The following STIM2 variants were observed in gnomAD, a reference collection of about 807,000 sequenced individuals.
STIM2 encodes the protein stromal interaction molecule 2.
A neutral mutation model predicts 85.8 loss-of-function variants in STIM2; 31 were observed. That is an observed-to-expected ratio of 0.36 (90% CI 0.27 to 0.49). The LOEUF (loss-of-function observed/expected upper bound fraction) is 0.49, where lower values mean the gene tolerates loss of function less well. Ranked by LOEUF, STIM2 falls within the 20% of genes least tolerant of loss-of-function variation. The pLI, the probability that STIM2 is intolerant of heterozygous loss-of-function variation, is 0.98. For missense variants in STIM2, 841 were observed against 927.6 expected (o/e 0.91, Z 1.21); for synonymous variants, 356 against 331.1 (o/e 1.08, Z -0.82).
chr4:26,872,813 G>C (rs1722672489), intron 1 of STIM2, among the ~76,000 whole-genome samples: 1 of 152,136 alleles, frequency 6.6e-6, no homozygotes, highest in South Asian at 2.1e-4. Context: ...ATAATGTGGG[G>C]TACTTTTTAA....
chr4:27,023,283 T>C lies in STIM2; in HGVS notation c.*287T>C. ...TATTTCTGCTTTGTTCTCAGTGATG[T>C]ATATGCAACATTTTGTTGAAAGCCA... On this transcript the variant is annotated 3_prime_UTR_variant, in exon 12 of 12. Transcript: ENST00000467087. 1 of 344,380 alleles carries C rather than the reference T, an allele frequency of 2.9e-6. No homozygotes were observed. The highest frequency in any genetic ancestry group is 5.4e-6 in the Non-Finnish European group (1 of 185,964). The allele number at this position is 344,380 out of a possible 1,614,324, so 21.3% of individuals were successfully genotyped here.
intron 3 of STIM2, among the ~76,000 whole-genome samples, chr4:26,963,261 A>T (rs942647942): frequency 4.6e-5 from 7 of 152,172 alleles, no homozygotes; most frequent in African/African-American, 1.7e-4. Context: ...TAAATATTTT[A>T]AAAATATCTA....
chr4:26,966,879 C>T (rs187838533), intron 3 of STIM2, among the ~76,000 whole-genome samples: 2 of 152,200 alleles, frequency 1.3e-5, no homozygotes, highest in African/African-American at 2.4e-5. Flanking sequence ...TTCTATCTTT[C>T]TCATCTCATC....
At chr4:26,954,336 G>GCTGAATGACCA in intron 2 of STIM2, among the ~76,000 whole-genome samples, 1 of 125,484 alleles carries the variant, frequency 8.0e-6, no homozygotes, top group Non-Finnish European at 1.7e-5. Flanking sequence ...TATTTGCTGA[G>GCTGAATGACCA]CACTCCCTTA....
At chr4:26,991,699 C>T (rs1727772537) in intron 3 of STIM2, among the ~76,000 whole-genome samples, 2 of 151,996 alleles carry the variant, frequency 1.3e-5, no homozygotes, top group African/African-American at 4.8e-5. Flanking sequence ...ATATGTATAA[C>T]ATCAATTTAA....
chr4:27,001,063 C>G (rs1728133089), intron 5 of STIM2, among the ~76,000 whole-genome samples: 1 of 152,200 alleles, frequency 6.6e-6, no homozygotes, highest in South Asian at 2.1e-4. Flanking sequence ...CTGAGAGTCT[C>G]TGACATAGAG....
chr4:26,984,860 C>A (rs757422862), intron 3 of STIM2, among the ~76,000 whole-genome samples: 10 of 152,156 alleles, frequency 6.6e-5, no homozygotes, highest in Non-Finnish European at 1.2e-4. Flanking sequence ...TCTGAATGTT[C>A]AAACATTTGC....
chr4:26,891,350 T>C (rs71612813), intron 1 of STIM2, among the ~76,000 whole-genome samples: 13,250 of 152,122 alleles, frequency 0.087, 711 homozygotes, highest in East Asian at 0.19. Flanking sequence ...ACCTAGACAT[T>C]TTGCTTGAGT....
At chr4:27,009,713 C>T (rs1728496566) in intron 10 of STIM2, among the ~76,000 whole-genome samples, 1 of 152,214 alleles carries the variant, frequency 6.6e-6, no homozygotes, top group Non-Finnish European at 1.5e-5. Context: ...ATTTCACTTG[C>T]TCCACACTGC....
rs897874846 is a variant in STIM2 at position 26,890,716 on chromosome 4, T to C, written c.152-28788T>C. ...GCGGGCGCCTGTAGTCCCAGCTACT[T>C]GGGAGGCTGAGGCAGGAGAATGGCG... On this transcript the variant is annotated intron_variant, in intron 1 of 11. Coordinates refer to ENST00000467087, the MANE Select transcript of STIM2 (RefSeq NM_020860.4). Among the ~76,000 whole-genome samples, 3 of 147,666 alleles carry C rather than the reference T, an allele frequency of 2.0e-5. No homozygotes were observed. In the South Asian group the frequency reaches 6.4e-4, roughly 31 times the overall value.
chr4:26,885,857 A>ATATATATATGTG (rs1723214780), intron 1 of STIM2, among the ~76,000 whole-genome samples: 1 of 67,816 alleles, frequency 1.5e-5, no homozygotes, highest in Admixed American at 1.6e-4. Context: ...ATATATATAT[A>ATATATATATGTG]TATATATATA....
chr4:26,896,191 C>T lies in STIM2; in HGVS notation c.152-23313C>T, dbSNP rs564547991. ...CATGACTCCACAACATGGTAGTTTG[C>T]GCCTTCCAGGCCAGCAGGTGAATCT... is the stretch of plus-strand genomic sequence containing the variant. On this transcript the variant is annotated intron_variant, in intron 1 of 11. Transcript: ENST00000467087. 2.0e-4 allele frequency among the ~76,000 whole-genome samples: 30 copies of T among 152,332 alleles called. No individual in the cohort carries two copies. In the South Asian group the frequency reaches 4.1e-3, roughly 21 times the overall value.
rs1212548587 is a variant in STIM2 at position 27,024,246 on chromosome 4, T to C, written c.*1250T>C. ...ATTAAATTGGTGGGTTGTATAAGGG[T>C]AGCTTTTGTTGTTAAAAAAACAGTA... On this transcript the variant is annotated 3_prime_UTR_variant, in exon 12 of 12. Transcript: ENST00000467087. The C allele has an allele frequency of 6.6e-6, 1 of 152,140 alleles. No individual in the cohort carries two copies. Among genetic ancestry groups the C allele is most frequent in the Admixed American group, 6.5e-5 (1 of 15,284 alleles). 9.4% of individuals were successfully genotyped at this position (152,140 alleles called of 1,614,324 possible). A position where few individuals can be genotyped will look rare whatever the true frequency, so the allele number is the denominator to read the frequency against.
At chr4:27,005,376 A>G (rs1728297725) in intron 7 of STIM2, among the ~76,000 whole-genome samples, 2 of 152,236 alleles carry the variant, frequency 1.3e-5, no homozygotes, top group East Asian at 1.9e-4. Flanking sequence ...ACGTGAGACA[A>G]TAAGCCTTAG....
At chr4:26,997,804 A>G (rs1046877600) in intron 4 of STIM2, among the ~76,000 whole-genome samples, 1 of 152,218 alleles carries the variant, frequency 6.6e-6, no homozygotes, top group Non-Finnish European at 1.5e-5. Flanking sequence ...GCATTATACG[A>G]AAGTACCTGT....
chr4:26,911,526 A>G (rs549296373), intron 1 of STIM2, among the ~76,000 whole-genome samples: 51 of 152,306 alleles, frequency 3.3e-4, no homozygotes, highest in Non-Finnish European at 6.3e-4. Context: ...ATTAGAGAAC[A>G]TCTGCAGTGG....
At chr4:26,916,127 G>A (rs2109062939) in intron 1 of STIM2, among the ~76,000 whole-genome samples, 1 of 152,292 alleles carries the variant, frequency 6.6e-6, no homozygotes, top group African/African-American at 2.4e-5. Flanking sequence ...GAGTTAAAAT[G>A]ATCACATGTG....
chr4:26,997,756 T>C (rs1664329801), intron 4 of STIM2, among the ~76,000 whole-genome samples: 1 of 152,248 alleles, frequency 6.6e-6, no homozygotes, highest in South Asian at 2.1e-4. Flanking sequence ...TTTGCCTTCA[T>C]GCAATTTGAT....
rs183998340 is a variant in STIM2, at chr4:27,024,015, T to C, written c.*1019T>C. The C allele has an allele frequency of 2.0e-5, 3 of 152,804 alleles. No homozygotes were observed. The East Asian group carries it at 5.8e-4, about 29-fold the overall frequency. 9.5% of individuals were successfully genotyped at this position (152,804 alleles called of 1,614,324 possible). ...ATAACACAAAAAACACTATGTTTTC[T>C]GGAGAGCTGTGTAAGCTGTCTTGTT... On this transcript the variant is annotated 3_prime_UTR_variant, in exon 12 of 12. Coordinates refer to ENST00000467087, the MANE Select transcript of STIM2 (RefSeq NM_020860.4).
Sources: allele counts gnomAD v4.1 joint callset (sites outside exome capture counted in the v4.1 genomes callset), GRCh38; gene constraint gnomAD v4.1.1; transcripts MANE v1.5; gene names NCBI Gene and HGNC (gene_info 2026-07-23, HGNC 2026-07-21).